Variants in TOM1 observed in about 807,000 individuals in gnomAD.
The protein encoded by TOM1 is target of myb1 membrane trafficking protein, also known as target of Myb protein 1.
A neutral mutation model predicts 61.3 loss-of-function variants in TOM1; 38 were observed. The ratio of observed to expected loss-of-function variants is 0.62; its 90% CI spans 0.48 to 0.81. The LOEUF (loss-of-function observed/expected upper bound fraction) is 0.81. Ranked by LOEUF, TOM1 falls within the 40% of genes least tolerant of loss-of-function variation. The pLI is 0.00. For synonymous variants in TOM1, 270 were observed against 268.8 expected, an observed-to-expected ratio of 1.00 and a Z score of -0.04; for missense variants, 591 against 659.6, an observed-to-expected ratio of 0.90 and a Z score of 1.14.
At chr22:35,303,867 C>G (rs757176222) in intron 1 of TOM1, among the ~76,000 whole-genome samples, 12 of 152,160 alleles carry the variant, frequency 7.9e-5, no homozygotes, top group Non-Finnish European at 5.9e-5. Context: ...TTGTGCATGT[C>G]TGTCTCCACA....
intron 7 of TOM1, 43 bp from the exon 8 acceptor site, chr22:35,330,304 C>T: frequency 6.4e-7 from 1 of 1,572,822 alleles, no homozygotes. Context: ...CGGCCTCACT[C>T]TGAGTCATGT....
At chr22:35,314,586 G>A (rs922912371) in intron 1 of TOM1, among the ~76,000 whole-genome samples, 26 of 152,180 alleles carry the variant, frequency 1.7e-4, no homozygotes, top group Non-Finnish European at 2.2e-4. Context: ...AAACACTGAT[G>A]TTCCCTCCTC....
chr22:35,333,602 G>A, intron 10 of TOM1, 105 bp downstream of exon 10: 2 of 1,013,112 alleles, frequency 2.0e-6, no homozygotes, highest in Non-Finnish European at 3.0e-6. Context: ...CAGAGTGTCA[G>A]TCTGGACCCC....
chr22:35,338,607 A>C, intron 11 of TOM1, 106 bp from the exon 12 acceptor site: 1 of 820,996 alleles, frequency 1.2e-6, no homozygotes, highest in Non-Finnish European at 1.8e-6. Context: ...ATTTCCAGGC[A>C]GGCCTGGAGG....
intron 8 of TOM1, among the ~76,000 whole-genome samples, chr22:35,332,129 C>A (rs1224723800): frequency 6.6e-6 from 1 of 152,112 alleles, no homozygotes; most frequent in Non-Finnish European, 1.5e-5. Context: ...CTGATTGATT[C>A]TAAATCAGTG....
At chr22:35,334,776 G>A (rs1333888530) in intron 11 of TOM1, among the ~76,000 whole-genome samples, 1 of 152,098 alleles carries the variant, frequency 6.6e-6, no homozygotes, top group African/African-American at 2.4e-5. Flanking sequence ...CTAATATTTG[G>A]CAGCACTAGG....
intron 2 of TOM1, among the ~76,000 whole-genome samples, chr22:35,321,422 C>T (rs1394326508): frequency 3.3e-5 from 5 of 151,488 alleles, no homozygotes; most frequent in South Asian, 2.1e-4. Context: ...GGCGCAATCT[C>T]GGCTCTCACT....
chr22:35,314,141 A>G lies in TOM1; in HGVS notation c.53-3736A>G, dbSNP rs533921668. ...GAAGGAAATCCACATGATTCACCGC[A>G]ATCCTGTTGTCCACACCTGGACCTG... On this transcript the variant is annotated intron_variant, in intron 1 of 14. Coordinates refer to ENST00000449058, the MANE Select transcript of TOM1 (RefSeq NM_005488.3). Among the ~76,000 whole-genome samples the G allele has an allele frequency of 1.6e-4, 24 of 152,318 alleles. No individual in the cohort carries two copies. The East Asian group carries it at 4.4e-3, about 28-fold the overall frequency.
chr22:35,305,634 T>G (rs1926262024), intron 1 of TOM1, among the ~76,000 whole-genome samples: 1 of 147,258 alleles, frequency 6.8e-6, no homozygotes, highest in African/African-American at 2.5e-5. Context: ...CACTCTAGCC[T>G]GGTGACAGAG....
At chr22:35,303,898 A>G (rs1372476498) in intron 1 of TOM1, among the ~76,000 whole-genome samples, 1 of 152,178 alleles carries the variant, frequency 6.6e-6, no homozygotes, top group African/African-American at 2.4e-5. Context: ...ACCTCTTGAG[A>G]GCAGGAACTG....
At chr22:35,303,682 G>A (rs953714274) in intron 1 of TOM1, among the ~76,000 whole-genome samples, 3 of 152,026 alleles carry the variant, frequency 2.0e-5, no homozygotes, top group African/African-American at 7.2e-5. Context: ...ATTTTTAGTA[G>A]AGATGGGGTT....
intron 6 of TOM1, 75 bp from the exon 7 acceptor site, chr22:35,327,196 C>A: frequency 7.0e-7 from 1 of 1,435,198 alleles, no homozygotes; most frequent in Non-Finnish European, 9.8e-7. Context: ...GTTGGTGGTA[C>A]TGGGTTCTGT....
In TOM1 at chr22:35,323,763, A is replaced by G; in HGVS notation, c.502-5A>G. 1 of 1,604,414 alleles carries G rather than the reference A, an allele frequency of 6.2e-7. No individual in the cohort carries two copies. The highest frequency in any genetic ancestry group is 8.5e-7 in the Non-Finnish European group (1 of 1,173,870). On this transcript the variant is annotated splice_polypyrimidine_tract_variant and splice_region_variant and intron_variant, in intron 5 of 14. Coordinates refer to ENST00000449058, the MANE Select transcript of TOM1 (RefSeq NM_005488.3). The surrounding 1 kb of genome is among the most constrained non-coding windows in gnomAD (Gnocchi z 4.2). Reference sequence around the variant, plus strand: ...CCCTCACTGATCCTGTTTTCCTCCCACTAGACCGTGTTCAACTCAGAGACA... The same window carrying G: ...CCCTCACTGATCCTGTTTTCCTCCCGCTAGACCGTGTTCAACTCAGAGACA...
At chr22:35,306,649 G>T (rs1926355200) in intron 1 of TOM1, among the ~76,000 whole-genome samples, 1 of 152,150 alleles carries the variant, frequency 6.6e-6, no homozygotes. Flanking sequence ...TATCAGATAG[G>T]GCTGTCGTGT....
chr22:35,332,593 CACACACACACACAT>C (rs933093057), intron 8 of TOM1, among the ~76,000 whole-genome samples: 7 of 86,824 alleles, frequency 8.1e-5, no homozygotes, highest in East Asian at 2.8e-4. Context: ...CTAACACACA[CACACACACACACAT>C]ACACACACAC....
In TOM1 at chr22:35,317,972, C is replaced by G. The variant is rs762359033; in HGVS notation, c.137+11C>G. The G allele has an allele frequency of 1.2e-6, 2 of 1,612,244 alleles. No individual in the cohort carries two copies. The highest frequency in any genetic ancestry group is 1.1e-5 in the South Asian group (1 of 91,026). ...CGAGACGGAGGAAGGGTAAGGGCCC[C>G]CCAAGGAGAGGTTGGGGGCAGAGAC... On this transcript the variant is annotated intron_variant, in intron 2 of 14. Transcript: ENST00000449058.
intron 1 of TOM1, among the ~76,000 whole-genome samples, chr22:35,300,331 C>T (rs1221592426): frequency 6.6e-6 from 1 of 152,246 alleles, no homozygotes; most frequent in African/African-American, 2.4e-5. Flanking sequence ...GGCCACTCTG[C>T]TGGGTCCCGC....
chr22:35,306,350 C>T (rs1156472454), intron 1 of TOM1, among the ~76,000 whole-genome samples: 1 of 152,166 alleles, frequency 6.6e-6, no homozygotes, highest in Non-Finnish European at 1.5e-5. Flanking sequence ...TGCTTATCCC[C>T]ACAGTGTGCC....
Position 35,346,963 on chromosome 22 carries a change from A to T in TOM1, c.1318A>T (p.Ser440Cys). The change falls in exon 14 of 15, where the codon AGC (serine) becomes TGC (cysteine). Residue 440 changes from serine (S) to cysteine (C), a missense_variant. By Grantham distance (112) the Ser-to-Cys change is moderately radical. Transcript: ENST00000449058. The part of the protein sequence containing the change: ...NDAEEPKGVT[S>C]EEFDKFLEER... ...TGCGGAAGAGCCTAAGGGGGTCACC[A>T]GCGAAGGTAGTAGTCCCCGCCCCTG... 1 of 1,612,878 alleles carries T rather than the reference A, an allele frequency of 6.2e-7. No homozygotes were observed. Among genetic ancestry groups the T allele is most frequent in the Non-Finnish European group, 8.5e-7 (1 of 1,179,552 alleles).
Sources: gnomAD v4.1 joint callset for allele counts (sites outside exome capture counted in the v4.1 genomes callset) on GRCh38, gnomAD v4.1.1 for gene constraint, Gnocchi (gnomAD v3.1) non-coding constraint, MANE v1.5 for transcripts, NCBI Gene and HGNC (gene_info 2026-07-23, HGNC 2026-07-21) for gene names.